Variants in ANKRD30BL observed in about 807,000 individuals in gnomAD.
The protein encoded by ANKRD30BL is ankyrin repeat domain 30B like.
Under a neutral mutation model 18.4 loss-of-function variants are expected in ANKRD30BL, and 20 were observed. The ratio of observed to expected loss-of-function variants is 1.09; its 90% confidence interval spans 0.77 to 1.58. The LOEUF is 1.58. Ranked by LOEUF, ANKRD30BL falls within the 40% of genes most tolerant of loss-of-function variation. The probability of loss-of-function intolerance (pLI) is 0.00; values close to 1 mark genes in which losing one functional copy is unlikely to be tolerated. For synonymous variants in ANKRD30BL, 72 were observed against 100.9 expected (o/e 0.71, Z 1.72); for missense variants, 224 against 268.6 (o/e 0.83, Z 1.16).
chr2:132,175,103 A>G (rs1220215206), intron 1 of ANKRD30BL, among the ~76,000 whole-genome samples: 2 of 152,210 alleles, frequency 1.3e-5, no homozygotes, highest in Non-Finnish European at 2.9e-5. Flanking sequence ...TAAGACACAG[A>G]GTCAAAGTAT....
Position 132,187,252 on chromosome 2 carries a change from G to A in ANKRD30BL, n.442-30106C>T, listed in dbSNP as rs1395634957. 2.8e-5 allele frequency among the ~76,000 whole-genome samples: 4 copies of A among 142,644 alleles called. No individual in the cohort carries two copies. In the East Asian group the frequency reaches 8.4e-4, roughly 30 times the overall value. 93.6% of individuals were successfully genotyped at this position (142,644 alleles called of 152,430 possible). On this transcript the variant is annotated intron_variant and non_coding_transcript_variant, in intron 1 of 4. Transcript: ENST00000470729. ...TTTGTAGAGCAGGCTGGAGTGGAGT[G>A]GCGTGATCTCGGCTTGCTGTAACTT...
intron 1 of ANKRD30BL, among the ~76,000 whole-genome samples, chr2:132,219,027 T>C (rs1233765272): frequency 6.6e-6 from 1 of 152,188 alleles, no homozygotes; most frequent in Non-Finnish European, 1.5e-5. Context: ...GCTGTGTGCA[T>C]TCAACTCACA....
At chr2:132,250,053 C>A (rs4054336) in intron 1 of ANKRD30BL, among the ~76,000 whole-genome samples, 5,796 of 146,644 alleles carry the variant, frequency 0.04, 389 homozygotes, top group African/African-American at 0.14. Flanking sequence ...ACAAAAACAC[C>A]ATTTCCAAGC....
chr2:132,161,676 C>A lies in ANKRD30BL; in HGVS notation c.30G>T (p.Lys10Asn). 1 of 1,450,292 alleles carries A rather than the reference C, an allele frequency of 6.9e-7. No homozygotes were observed. The highest frequency in any genetic ancestry group is 1.2e-5 in the South Asian group (1 of 81,930). 89.8% of individuals were successfully genotyped at this position (1,450,292 alleles called of 1,614,324 possible). The change falls in exon 1 of 6, where the codon AAG (lysine) becomes AAT (asparagine). Residue 10 changes from lysine (K) to asparagine (N), a missense_variant. Around this residue, in one of 3 missense-constraint regions of ANKRD30BL, gnomAD observed 131 missense variants for 128.8 expected, o/e 1.02. Transcript: ENST00000409867. MERLSAAPVKGQTGPERPSP... is the reference protein window; with the variant it reads MERLSAAPVNGQTGPERPSP... Reference sequence around the variant, plus strand: ...TCGGGCGCTCTGGGCCCGTCTGGCCCTTGACAGGGGCGGCAGAGAGCCTCT... The same window carrying A: ...TCGGGCGCTCTGGGCCCGTCTGGCCATTGACAGGGGCGGCAGAGAGCCTCT...
At chr2:132,219,899 C>A (rs574575155) in intron 1 of ANKRD30BL, among the ~76,000 whole-genome samples, 11 of 151,694 alleles carry the variant, frequency 7.3e-5, no homozygotes, top group Admixed American at 6.6e-4. Flanking sequence ...CAGAGTTGAA[C>A]CTTTCTTTTG....
chr2:132,198,319 T>C (rs1558928581), intron 1 of ANKRD30BL, among the ~76,000 whole-genome samples: 2 of 10,688 alleles, frequency 1.9e-4, no homozygotes, highest in Non-Finnish European at 5.8e-4. Context: ...TTTCTTTCTT[T>C]CTTTCTTTTT....
In ANKRD30BL at chr2:132,185,258, C is replaced by T. The variant is rs545128393; in HGVS notation, n.442-28112G>A. On this transcript the variant is annotated intron_variant and non_coding_transcript_variant, in intron 1 of 4. Coordinates refer to the ANKRD30BL transcript ENST00000470729. ...CATGGAAGAAAGCTGGACTGTGCTC[C>T]GGCTCAATCGGCTCCACTTGCACAC... Among the ~76,000 whole-genome samples, 698 of 152,214 alleles carry T rather than the reference C, an allele frequency of 4.6e-3. 13 individuals are homozygous for T. The highest frequency in any genetic ancestry group is 0.016 in the African/African-American group (651 of 41,526).
intron 5 of ANKRD30BL, among the ~76,000 whole-genome samples, chr2:132,149,352 A>G (rs1234672775): frequency 6.6e-6 from 1 of 152,200 alleles, no homozygotes; most frequent in East Asian, 1.9e-4. Context: ...ATTATTCAGC[A>G]GATAGAACAA....
intron 1 of ANKRD30BL, among the ~76,000 whole-genome samples, chr2:132,252,868 C>T (rs1297767721): frequency 2.0e-5 from 3 of 152,186 alleles, no homozygotes; most frequent in Admixed American, 6.5e-5. Context: ...GTGATGGTGG[C>T]CACAGGAACT....
upstream of ANKRD30BL, among the ~76,000 whole-genome samples, chr2:132,165,282 T>C (rs1301392129): frequency 6.6e-6 from 1 of 151,734 alleles, no homozygotes; most frequent in Non-Finnish European, 1.5e-5. Context: ...CATTCATCAA[T>C]TATGAGACCT....
Position 132,161,886 on chromosome 2 carries a change from GTT to G in ANKRD30BL, c.-183_-182del. 2 of 592,864 alleles carry G rather than the reference GTT, an allele frequency of 3.4e-6. No individual in the cohort carries two copies. The highest frequency in any genetic ancestry group is 6.1e-6 in the Non-Finnish European group (2 of 328,710). The allele number at this position is 592,864 out of a possible 1,614,324, so 36.7% of individuals were successfully genotyped here. A position where few individuals can be genotyped will look rare whatever the true frequency, so the allele number is the denominator to read the frequency against. ...CGGGAGAAAATGGCTGCGCAAAACC[GTT>G]AGGCAGCTGAGCAGAACCGTTAGGC... On this transcript the variant is annotated 5_prime_UTR_variant, in exon 1 of 6. Coordinates refer to ENST00000409867, the MANE Select transcript of ANKRD30BL (RefSeq NM_001358416.1).
intron 1 of ANKRD30BL, among the ~76,000 whole-genome samples, chr2:132,222,081 A>C (rs1212768744): frequency 9.5e-6 from 1 of 105,004 alleles, no homozygotes; most frequent in African/African-American, 4.1e-5. Context: ...TCCGGGAGGG[A>C]GGTCGGGGGG....
At chr2:132,211,201 C>T (rs1334290570) in intron 1 of ANKRD30BL, among the ~76,000 whole-genome samples, 20 of 151,840 alleles carry the variant, frequency 1.3e-4, no homozygotes, top group Admixed American at 1.1e-3. Context: ...CGCTTTGAGG[C>T]CTATGGTGGA....
intron 1 of ANKRD30BL, among the ~76,000 whole-genome samples, chr2:132,203,528 T>A (rs1325847645): frequency 6.6e-6 from 1 of 152,132 alleles, no homozygotes; most frequent in Admixed American, 6.5e-5. Flanking sequence ...CTAATGCTGT[T>A]TAATTTCTTT....
rs1048756900 is a variant in ANKRD30BL at position 132,218,620 on chromosome 2, A to G, written n.441+38909T>C. 3.9e-5 allele frequency among the ~76,000 whole-genome samples: 6 copies of G among 152,296 alleles called. No homozygotes were observed. In the East Asian group the frequency reaches 1.2e-3, roughly 30 times the overall value. ...GAGCGCCTTGGGGCCTATGGTAGAA[A>G]AGGAATTATATTCACATAAAAACTA... is the stretch of plus-strand genomic sequence containing the variant. On this transcript the variant is annotated intron_variant and non_coding_transcript_variant, in intron 1 of 4. Transcript: ENST00000470729.
At chr2:132,219,281 T>G (rs1371896330) in intron 1 of ANKRD30BL, among the ~76,000 whole-genome samples, 1 of 150,154 alleles carries the variant, frequency 6.7e-6, no homozygotes, top group Non-Finnish European at 1.5e-5. Flanking sequence ...ATATTTGGAC[T>G]GCTTACCAGC....
At chr2:132,223,902 A>G (rs62165552) in intron 1 of ANKRD30BL, among the ~76,000 whole-genome samples, 1 of 150,276 alleles carries the variant, frequency 6.7e-6, no homozygotes, top group African/African-American at 2.4e-5. Flanking sequence ...AACACTCTTT[A>G]GTAGAATCTG....
rs544895876 is a variant in ANKRD30BL, at chr2:132,249,789, C to T, written n.441+7740G>A. Among the ~76,000 whole-genome samples, 82 of 152,042 alleles carry T rather than the reference C, an allele frequency of 5.4e-4. 2 individuals carry two copies. In the East Asian group the frequency reaches 0.014, roughly 27 times the overall value. On this transcript the variant is annotated intron_variant and non_coding_transcript_variant, in intron 1 of 4. Coordinates refer to the ANKRD30BL transcript ENST00000470729. Reference sequence around the variant, plus strand: ...ACACAACCAGGAATTTTCTCAGAAACTTCTGTCAAGTTTTTATGTGATGAT... The same window carrying T: ...ACACAACCAGGAATTTTCTCAGAAATTTCTGTCAAGTTTTTATGTGATGAT...
intron 1 of ANKRD30BL, among the ~76,000 whole-genome samples, chr2:132,223,563 C>T (rs111840647): frequency 6.2e-4 from 94 of 150,948 alleles, no homozygotes; most frequent in Non-Finnish European, 1.2e-3. Context: ...ACTCTTTTTG[C>T]AGAAACTGCA....
Sources: gnomAD v4.1 joint callset for allele counts (sites outside exome capture counted in the v4.1 genomes callset) on GRCh38, gnomAD v4.1.1 for gene constraint, gnomAD v4.1.1 regional missense constraint, MANE v1.5 for transcripts, NCBI Gene and HGNC (gene_info 2026-07-23, HGNC 2026-07-21) for gene names.